PTGER3: variants seen among roughly 807,000 people sequenced by gnomAD.
PTGER3 encodes the protein prostaglandin E2 receptor EP3 subtype.
In PTGER3, 22 loss-of-function variants were observed where a neutral mutation model predicts 34.7. The observed-to-expected ratio is 0.63, with a 90% confidence interval of 0.45 to 0.91. The LOEUF is 0.91. PTGER3 is among the 40% of genes least tolerant of loss of function. The pLI is 0.00. For synonymous variants in PTGER3, 241 were observed against 230.1 expected (o/e 1.05, Z -0.43); for missense variants, 468 against 519.4 (o/e 0.90, Z 0.96).
rs117075739 is a variant in PTGER3 at position 70,990,831 on chromosome 1, A to G, written c.1078-16443T>C. Among the ~76,000 whole-genome samples, 77 of 152,270 alleles carry G rather than the reference A, an allele frequency of 5.1e-4. 2 individuals are homozygous for G. The East Asian group carries it at 0.013, about 25-fold the overall frequency. ...ATGTACCACTCCACAATCATATAAT[A>G]TGGAGATTAATATTAATGGCAATAA... On this transcript the variant is annotated intron_variant, in intron 2 of 3. Coordinates refer to ENST00000306666, the MANE Select transcript of PTGER3 (RefSeq NM_198719.2).
chr1:71,037,544 T>A (rs562030725), intron 1 of PTGER3, among the ~76,000 whole-genome samples: 1 of 152,200 alleles, frequency 6.6e-6, no homozygotes, highest in African/African-American at 2.4e-5. Flanking sequence ...TGTGATCTAT[T>A]TTGTCCATTT....
At chr1:70,922,375 T>C (rs1431875160) in intron 4 of PTGER3, among the ~76,000 whole-genome samples, 1 of 152,096 alleles carries the variant, frequency 6.6e-6, no homozygotes, top group Non-Finnish European at 1.5e-5. Context: ...AAAAAATTTA[T>C]GAAAACGAAT....
At chr1:70,931,572 C>T (rs560995981) in intron 4 of PTGER3, among the ~76,000 whole-genome samples, 4 of 152,196 alleles carry the variant, frequency 2.6e-5, no homozygotes, top group Non-Finnish European at 5.9e-5. Context: ...TCTCAAACCT[C>T]AATTCCTGAC....
downstream of PTGER3, among the ~76,000 whole-genome samples, chr1:70,949,062 C>T (rs1160633217): frequency 1.3e-5 from 2 of 152,122 alleles, no homozygotes; most frequent in African/African-American, 4.8e-5. Flanking sequence ...TCCATTGTCT[C>T]TTCAGGCGTG....
intron 4 of PTGER3, among the ~76,000 whole-genome samples, chr1:70,900,747 C>T (rs190913257): frequency 3.5e-4 from 54 of 152,222 alleles, no homozygotes; most frequent in Admixed American, 5.9e-4. Context: ...CTGTAGAGCA[C>T]CCCCATTATA....
intron 2 of PTGER3, among the ~76,000 whole-genome samples, chr1:70,963,714 G>A (rs754193146): frequency 6.6e-6 from 1 of 152,164 alleles, no homozygotes. Context: ...CCAAGCCTGC[G>A]ATGGAGGGGC....
chr1:70,973,277 C>T (rs1328130659), intron 3 of PTGER3, among the ~76,000 whole-genome samples: 2 of 151,250 alleles, frequency 1.3e-5, no homozygotes, highest in Non-Finnish European at 2.9e-5. Context: ...ATGATAGATA[C>T]GTAGACAGAT....
downstream of PTGER3, among the ~76,000 whole-genome samples, chr1:70,970,023 A>C (rs1293341860): frequency 7.4e-6 from 1 of 134,704 alleles, no homozygotes; most frequent in Non-Finnish European, 1.6e-5. Context: ...ATTTAAATCC[A>C]AGTTTGATTC....
At chr1:70,867,625 TGA>T (rs1646071388) in intron 4 of PTGER3, among the ~76,000 whole-genome samples, 1 of 151,352 alleles carries the variant, frequency 6.6e-6, no homozygotes, top group South Asian at 2.1e-4. Context: ...CTTGGGAGGG[TGA>T]GGTGGGAGAA....
At chr1:71,011,927 C>T in intron 2 of PTGER3, 1 of 1,205,734 alleles carries the variant, frequency 8.3e-7, no homozygotes, top group African/African-American at 1.6e-5. Flanking sequence ...CCCCAATAGA[C>T]CAAGATCATT....
At chr1:70,901,500 C>A (rs969172015) in intron 4 of PTGER3, among the ~76,000 whole-genome samples, 1 of 152,162 alleles carries the variant, frequency 6.6e-6, no homozygotes, top group African/African-American at 2.4e-5. Context: ...TGATGTTGTG[C>A]CAACTCCCAG....
chr1:71,047,102 A>G lies in PTGER3; in HGVS notation c.476T>C (p.Ile159Thr). 2.5e-6 allele frequency: 4 copies of G among 1,607,110 alleles called. No homozygotes were observed. The change falls in exon 1 of 4, where the codon ATC becomes ACC. Residue 159 changes from isoleucine to threonine, a missense_variant. Ile to Thr is a moderately conservative substitution (Grantham distance 89). This residue lies in a region of PTGER3 where 53 missense variants were observed against 93.9 expected (regional missense o/e 0.56). Coordinates refer to ENST00000306666, the MANE Select transcript of PTGER3 (RefSeq NM_198719.2). ...SAMAVERALA[I>T]RAPHWYASHM... is the part of the protein sequence containing the mutation. ...GCTCGCATACCAGTGCGGCGCCCTGATGGCCAGCGCCCGCTCGACGGCCAT... is the reference window on the plus strand; with the variant it reads ...GCTCGCATACCAGTGCGGCGCCCTGGTGGCCAGCGCCCGCTCGACGGCCAT...
At chr1:70,968,694 C>G (rs1173252594), downstream of PTGER3, among the ~76,000 whole-genome samples, 1 of 151,662 alleles carries the variant, frequency 6.6e-6, no homozygotes, top group Non-Finnish European at 1.5e-5. Context: ...TAAAACTACT[C>G]TAAAAACTAA....
intron 2 of PTGER3, among the ~76,000 whole-genome samples, chr1:70,963,391 C>A (rs1206188843): frequency 6.6e-6 from 1 of 152,204 alleles, no homozygotes; most frequent in African/African-American, 2.4e-5. Flanking sequence ...TCACATCTCC[C>A]CTCCGTACTG....
At chr1:71,004,387 T>A (rs1028133900) in intron 2 of PTGER3, among the ~76,000 whole-genome samples, 2 of 152,188 alleles carry the variant, frequency 1.3e-5, no homozygotes, top group Admixed American at 6.6e-5. Context: ...ATAATAACTC[T>A]AGACCTGAGG....
intron 4 of PTGER3, among the ~76,000 whole-genome samples, chr1:70,857,348 G>T (rs546244335): frequency 6.6e-6 from 1 of 152,108 alleles, no homozygotes; most frequent in East Asian, 1.9e-4. Context: ...ACTTGAATTT[G>T]TTGTACCATT....
chr1:71,021,131 C>G (rs1658380929), intron 1 of PTGER3, among the ~76,000 whole-genome samples: 1 of 152,062 alleles, frequency 6.6e-6, no homozygotes, highest in Admixed American at 6.6e-5. Flanking sequence ...GCTTGAATTT[C>G]TTGCTAATAA....
At chr1:71,023,561 C>G (rs1270442833) in intron 1 of PTGER3, among the ~76,000 whole-genome samples, 1 of 151,864 alleles carries the variant, frequency 6.6e-6, no homozygotes, top group African/African-American at 2.4e-5. Flanking sequence ...AGTTTAGCTG[C>G]TATTGCACGG....
In PTGER3 at chr1:71,046,918, G is replaced by C; in HGVS notation, c.660C>G (p.Ser220Arg). The C allele has an allele frequency of 6.2e-7, 1 of 1,610,664 alleles. No individual in the cohort carries two copies. Among genetic ancestry groups the C allele is most frequent in the Non-Finnish European group, 8.5e-7 (1 of 1,178,402 alleles). ...AAAGGTTGCCCCAGTTATGCGAAGA[G>C]CTAGTCCCGTTGCCCCCTCGCCCGG... ...ISTGRGGNGT[S>R]SSHNWGNLFF... Residue 220 changes from serine (S) to arginine (R), a missense_variant, in exon 1 of 4, where the codon AGC (serine) becomes AGG (arginine). Ser to Arg is a moderately radical substitution (Grantham distance 110). Around this residue, in one of 5 missense-constraint regions of PTGER3, gnomAD observed 204 missense variants for 230.8 expected, o/e 0.88. Transcript: ENST00000306666.
Sources: allele counts gnomAD v4.1 joint callset (sites outside exome capture counted in the v4.1 genomes callset), GRCh38; gene constraint gnomAD v4.1.1; regional missense constraint gnomAD v4.1.1; transcripts MANE v1.5; gene names NCBI Gene and HGNC (gene_info 2026-07-23, HGNC 2026-07-21).